The following SMAP2 variants were observed in gnomAD, a reference collection of about 807,000 sequenced individuals.
SMAP2 encodes stromal membrane-associated protein 2.
A neutral mutation model predicts 56.4 loss-of-function variants in SMAP2; 25 were observed. The observed-to-expected ratio is 0.44, with a 90% CI of 0.32 to 0.62. SMAP2 has a LOEUF of 0.62. SMAP2 is among the 20% of genes least tolerant of loss of function. SMAP2 has a pLI of 0.04. For missense variants in SMAP2, 388 were observed against 545.6 expected, an observed-to-expected ratio of 0.71 and a Z score of 2.88; for synonymous variants, 157 against 181.7, an observed-to-expected ratio of 0.86 and a Z score of 1.09.
In SMAP2 at chr1:40,378,097, C is replaced by G. The variant is rs1348601806; in HGVS notation, c.103+3874C>G. 4.6e-5 allele frequency among the ~76,000 whole-genome samples: 7 copies of G among 152,104 alleles called. No individual in the cohort carries two copies. The South Asian group carries it at 1.0e-3, about 23-fold the overall frequency. On this transcript the variant is annotated intron_variant, in intron 1 of 9. Transcript: ENST00000372718. ...CTGCACATGTTCTGTACAGATGCAA[C>G]CATTCATTTTTTACTGAATATTTTC... is the stretch of plus-strand genomic sequence containing the variant.
upstream of SMAP2, among the ~76,000 whole-genome samples, chr1:40,373,005 T>C (rs1644507291): frequency 6.6e-6 from 1 of 152,212 alleles, no homozygotes; most frequent in African/African-American, 2.4e-5. Context: ...TTAATAATCA[T>C]TTTTAAGGAG....
At chr1:40,350,594 G>A (rs1644406109) in intron 1 of SMAP2, among the ~76,000 whole-genome samples, 1 of 152,142 alleles carries the variant, frequency 6.6e-6, no homozygotes, top group Non-Finnish European at 1.5e-5. Context: ...GCTGCTTCCT[G>A]TTCAGGATCC....
chr1:40,418,124 A>G lies in SMAP2; in HGVS notation c.1164+1028A>G, dbSNP rs546512802. Among the ~76,000 whole-genome samples the G allele has an allele frequency of 2.0e-5, 3 of 152,350 alleles. No individual in the cohort carries two copies. The East Asian group carries it at 5.8e-4, about 29-fold the overall frequency. On this transcript the variant is annotated intron_variant, in intron 9 of 9. Transcript: ENST00000372718. ...ATTAAATGTCCTTAAACATTTGCAG[A>G]TAAGACAAAACACCTTAAATCAGAA... is the stretch of plus-strand genomic sequence containing the variant.
chr1:40,371,349 A>G (rs1303779845), upstream of SMAP2, among the ~76,000 whole-genome samples: 23 of 152,168 alleles, frequency 1.5e-4, no homozygotes, highest in Admixed American at 1.4e-3. Context: ...ACCCTGGGCT[A>G]TGCACTCACT....
intron 7 of SMAP2, 63 bp from the exon 8 acceptor site, chr1:40,416,113 A>G: frequency 2.0e-6 from 3 of 1,471,348 alleles, no homozygotes; most frequent in Non-Finnish European, 1.8e-6. Context: ...GAGGGAAGGG[A>G]GACCCTTAAA....
rs537587767 is a variant in SMAP2, at chr1:40,422,160, C to T, written c.*59C>T. 3.8e-6 allele frequency: 6 copies of T among 1,599,032 alleles called. No homozygotes were observed. Among genetic ancestry groups the T allele is most frequent in the East Asian group, 4.5e-5 (2 of 44,442 alleles). ...AGCCCTCGCTCTCCCCTTTCCACAG[C>T]CTCCACCCCTGACCCCCATCCTCTT... On this transcript the variant is annotated 3_prime_UTR_variant, in exon 10 of 10. Coordinates refer to ENST00000372718, the MANE Select transcript of SMAP2 (RefSeq NM_022733.3).
chr1:40,356,790 G>A (rs148303112), intron 1 of SMAP2, among the ~76,000 whole-genome samples: 2 of 152,162 alleles, frequency 1.3e-5, no homozygotes, highest in Non-Finnish European at 2.9e-5. Flanking sequence ...AACAGTGTAC[G>A]AGGGTTCCCT....
intron 2 of SMAP2, 58 bp downstream of exon 2, chr1:40,406,927 G>A: frequency 6.6e-7 from 1 of 1,506,212 alleles, no homozygotes; most frequent in Non-Finnish European, 9.0e-7. Context: ...AGGAATTCCA[G>A]ATGAATTTCA....
chr1:40,399,961 G>A (rs2982506), intron 1 of SMAP2, among the ~76,000 whole-genome samples: 24,423 of 152,078 alleles, frequency 0.16, 2,536 homozygotes, highest in African/African-American at 0.3. Flanking sequence ...CTCTGCTTTC[G>A]TTTGTTTGAA....
At position 40,392,040 on chromosome 1, in the gene SMAP2, G is replaced by C. The variant is rs1294117275; in HGVS notation, c.104-14696G>C. On this transcript the variant is annotated intron_variant, in intron 1 of 9. Coordinates refer to ENST00000372718, the MANE Select transcript of SMAP2 (RefSeq NM_022733.3). ...TTTGAAATGATTTGCCCAGCTATTA[G>C]CTCAGCAGTCCCTCCCTGCACACCA... Among the ~76,000 whole-genome samples, 12 of 152,292 alleles carry C rather than the reference G, an allele frequency of 7.9e-5. No homozygotes were observed. In the East Asian group the frequency reaches 2.3e-3, roughly 29 times the overall value.
Position 40,417,063 on chromosome 1 carries a change from G to A in SMAP2, c.1131G>A (p.Gln377=). The A allele has an allele frequency of 6.2e-7, 1 of 1,606,186 alleles. No homozygotes were observed. Among genetic ancestry groups the A allele is most frequent in the East Asian group, 2.2e-5 (1 of 44,624 alleles). Residue 377 remains glutamine, a synonymous_variant, in exon 9 of 10, where the codon CAG becomes CAA. Coordinates refer to ENST00000372718, the MANE Select transcript of SMAP2 (RefSeq NM_022733.3). ...TGCCCCAGACTGTGTATGGGGTCCA[G>A]CCAGCTCAGCAGCTGCAATGGAACC... ...AAMPQTVYGV[Q]PAQQLQWNLT...
At chr1:40,400,174 G>C (rs933304466) in intron 1 of SMAP2, among the ~76,000 whole-genome samples, 1 of 152,172 alleles carries the variant, frequency 6.6e-6, no homozygotes, top group Non-Finnish European at 1.5e-5. Context: ...CATGTACAAA[G>C]TCCAGCAAGC....
intron 1 of SMAP2, among the ~76,000 whole-genome samples, chr1:40,349,411 G>A (rs917311248): frequency 6.6e-6 from 1 of 152,182 alleles, no homozygotes; most frequent in Admixed American, 6.5e-5. Flanking sequence ...GCGGCACATA[G>A]AGGTTAAGTA....
chr1:40,375,830 C>CA, intron 1 of SMAP2: 1 of 776,374 alleles, frequency 1.3e-6, no homozygotes, highest in Non-Finnish European at 1.6e-6. Context: ...ACTAGAACCC[C>CA]CCCCCCCATT....
At chr1:40,403,129 G>A (rs137985728) in intron 1 of SMAP2, among the ~76,000 whole-genome samples, 95 of 152,288 alleles carry the variant, frequency 6.2e-4, no homozygotes, top group African/African-American at 2.2e-3. Context: ...TTGAAATTGG[G>A]TCTAGGGTAA....
At chr1:40,355,513 G>A (rs1203298857) in intron 1 of SMAP2, among the ~76,000 whole-genome samples, 1 of 152,158 alleles carries the variant, frequency 6.6e-6, no homozygotes, top group Non-Finnish European at 1.5e-5. Context: ...TAAATAGGGT[G>A]TCTCAAGCAT....
At chr1:40,365,589 C>T (rs978990921) in intron 2 of SMAP2, among the ~76,000 whole-genome samples, 7 of 152,094 alleles carry the variant, frequency 4.6e-5, no homozygotes, top group Non-Finnish European at 7.4e-5. Flanking sequence ...GCGTGACCGA[C>T]GCAGAAGACC....
chr1:40,414,112 T>C, intron 5 of SMAP2, 47 bp from the exon 6 acceptor site: 1 of 1,582,592 alleles, frequency 6.3e-7, no homozygotes, highest in Non-Finnish European at 8.7e-7. Context: ...GGGAAAAGAG[T>C]TCAAAACCAC....
rs752017593 is a variant in SMAP2, at chr1:40,385,855, T to C, written c.103+11632T>C. Among the ~76,000 whole-genome samples, 1 of 152,094 alleles carries C rather than the reference T, an allele frequency of 6.6e-6. No individual in the cohort carries two copies. The highest frequency in any genetic ancestry group is 1.5e-5 in the Non-Finnish European group (1 of 68,026). ...TGTTCTTTAACTTCCTCTTTTCTTGTCTAACTGGAAGTCCCCAAATGTGTG... is the reference window on the plus strand; with the variant it reads ...TGTTCTTTAACTTCCTCTTTTCTTGCCTAACTGGAAGTCCCCAAATGTGTG... On this transcript the variant is annotated intron_variant, in intron 1 of 9. Transcript: ENST00000372718. This position sits in a 1 kb window ranked among gnomAD's most constrained non-coding sequence, Gnocchi z 4.5.
Sources: gnomAD v4.1 joint callset for allele counts (sites outside exome capture counted in the v4.1 genomes callset) on GRCh38, gnomAD v4.1.1 for gene constraint, Gnocchi (gnomAD v3.1) non-coding constraint, MANE v1.5 for transcripts, NCBI Gene and HGNC (gene_info 2026-07-23, HGNC 2026-07-21) for gene names.